Variants in OR51B5 observed in about 807,000 individuals in gnomAD.
The protein encoded by OR51B5 is olfactory receptor family 51 subfamily B member 5.
For missense variants in OR51B5, 456 were observed against 374.6 expected (o/e 1.22, Z -1.79); for synonymous variants, 186 against 144.8 (o/e 1.28, Z -2.04).
rs575988059 is a variant in OR51B5, at chr11:5,403,682, GT to G, written n.85-56773del. The G allele has an allele frequency of 4.9e-3, 1,775 of 365,792 alleles. 16 individuals are homozygous for G. The highest frequency in any genetic ancestry group is 0.02 in the Admixed American group (569 of 28,952). 22.7% of individuals were successfully genotyped at this position (365,792 alleles called of 1,614,324 possible). A position where few individuals can be genotyped will look rare whatever the true frequency, so the allele number is the denominator to read the frequency against. On this transcript the variant is annotated intron_variant and non_coding_transcript_variant, in intron 1 of 4. Transcript: ENST00000415970. ...TCTAACAGGAAGTTCTCTATAGTCT[GT>G]CCATGAACTGAGGTGAGGGTGCAGG...
At chr11:5,390,071 C>T (rs780203235) in intron 1 of OR51B5, 20 of 1,613,596 alleles carry the variant, frequency 1.2e-5, no homozygotes, top group Non-Finnish European at 1.6e-5. Context: ...GGACCTGGTG[C>T]TCATCGCACT....
chr11:5,432,289 T>C (rs1850545446), intron 1 of OR51B5, among the ~76,000 whole-genome samples: 1 of 152,200 alleles, frequency 6.6e-6, no homozygotes, highest in South Asian at 2.1e-4. Context: ...CTGCTCAATC[T>C]TGTGAAAGAC....
At chr11:5,477,139 T>C (rs1035167155) in intron 1 of OR51B5, among the ~76,000 whole-genome samples, 1 of 152,220 alleles carries the variant, frequency 6.6e-6, no homozygotes, top group African/African-American at 2.4e-5. Flanking sequence ...ATTGTAGTGA[T>C]GGTTTCATGG....
chr11:5,488,899 T>C, intron 1 of OR51B5: 1 of 1,614,084 alleles, frequency 6.2e-7, no homozygotes, highest in Non-Finnish European at 8.5e-7. Flanking sequence ...TATGTACCTC[T>C]TCCTCTGCCT....
chr11:5,482,604 T>C (rs1432203913), intron 1 of OR51B5, among the ~76,000 whole-genome samples: 1 of 120,272 alleles, frequency 8.3e-6, no homozygotes, highest in African/African-American at 3.3e-5. Context: ...CACAACCTAC[T>C]CATCTGACAA....
intron 1 of OR51B5, among the ~76,000 whole-genome samples, chr11:5,371,537 A>C (rs1849448285): frequency 6.6e-6 from 1 of 152,194 alleles, no homozygotes; most frequent in Non-Finnish European, 1.5e-5. Context: ...CCAAAGGGTT[A>C]CATAAGTTTT....
At chr11:5,364,338 G>C (rs775254165) in intron 1 of OR51B5, among the ~76,000 whole-genome samples, 1 of 152,110 alleles carries the variant, frequency 6.6e-6, no homozygotes, top group East Asian at 1.9e-4. Flanking sequence ...GGGTGATATG[G>C]AGGCAAGCCA....
intron 1 of OR51B5, among the ~76,000 whole-genome samples, chr11:5,394,761 A>C (rs182303010): frequency 3.3e-5 from 5 of 152,340 alleles, no homozygotes; most frequent in African/African-American, 9.6e-5. Context: ...TTTTTGCTTC[A>C]TCAGGGGACG....
At chr11:5,414,307 G>A (rs186340066) in intron 1 of OR51B5, among the ~76,000 whole-genome samples, 3,868 of 147,334 alleles carry the variant, frequency 0.026, 162 homozygotes, top group African/African-American at 0.087. Context: ...AGGAACAACC[G>A]GTACCAGCCA....
chr11:5,359,726 C>G (rs1014550803), intron 1 of OR51B5, among the ~76,000 whole-genome samples: 1 of 150,812 alleles, frequency 6.6e-6, no homozygotes, highest in African/African-American at 2.4e-5. Context: ...AGGCATCACG[C>G]TACCTGACTT....
intron 1 of OR51B5, among the ~76,000 whole-genome samples, chr11:5,373,725 T>G (rs558966071): frequency 1.8e-4 from 27 of 152,310 alleles, no homozygotes; most frequent in African/African-American, 6.5e-4. Context: ...TCTCCCTGAT[T>G]GCTAGCACAG....
chr11:5,475,229 C>G (rs1851285842), intron 1 of OR51B5, among the ~76,000 whole-genome samples: 1 of 152,174 alleles, frequency 6.6e-6, no homozygotes, highest in East Asian at 1.9e-4. Flanking sequence ...CAACTTTCAT[C>G]ATGCTATTTT....
intron 1 of OR51B5, among the ~76,000 whole-genome samples, chr11:5,366,677 G>T (rs991416766): frequency 1.3e-5 from 2 of 150,380 alleles, no homozygotes; most frequent in Non-Finnish European, 3.0e-5. Context: ...AAGAGAAGAA[G>T]AAGAAGAAGG....
chr11:5,407,781 A>G (rs1850080856), intron 1 of OR51B5, among the ~76,000 whole-genome samples: 1 of 151,594 alleles, frequency 6.6e-6, no homozygotes, highest in Non-Finnish European at 1.5e-5. Flanking sequence ...TTTCAATGTT[A>G]TTCAAAATAT....
chr11:5,400,123 G>C (rs1237310541), intron 1 of OR51B5, among the ~76,000 whole-genome samples: 1 of 152,138 alleles, frequency 6.6e-6, no homozygotes, highest in Non-Finnish European at 1.5e-5. Context: ...TCTGATGTGT[G>C]ATCATTTGTT....
intron 1 of OR51B5, among the ~76,000 whole-genome samples, chr11:5,504,058 C>A (rs560807548): frequency 6.6e-6 from 1 of 152,216 alleles, no homozygotes; most frequent in South Asian, 2.1e-4. Flanking sequence ...AAGCTTGGAA[C>A]AGAGCCTGAC....
intron 1 of OR51B5, among the ~76,000 whole-genome samples, chr11:5,363,605 G>A (rs1444342889): frequency 6.6e-6 from 1 of 151,620 alleles, no homozygotes; most frequent in Admixed American, 6.6e-5. Context: ...ATATATTGAG[G>A]TAGATTTTTC....
At chr11:5,478,631 T>G (rs1851358592) in intron 1 of OR51B5, among the ~76,000 whole-genome samples, 1 of 149,870 alleles carries the variant, frequency 6.7e-6, no homozygotes, top group South Asian at 2.1e-4. Context: ...TAGAAGAATG[T>G]ATAACTAGAA....
chr11:5,494,833 C>A (rs1237139729), intron 1 of OR51B5, among the ~76,000 whole-genome samples: 1 of 152,142 alleles, frequency 6.6e-6, no homozygotes, highest in African/African-American at 2.4e-5. Context: ...TACAAAAAAT[C>A]TTTGGTACAT....
Sources: gnomAD v4.1 joint callset for allele counts (sites outside exome capture counted in the v4.1 genomes callset) on GRCh38, gnomAD v4.1.1 for gene constraint, MANE v1.5 for transcripts, NCBI Gene and HGNC (gene_info 2026-07-23, HGNC 2026-07-21) for gene names.